Variants in CREBRF observed in about 807,000 individuals in gnomAD.
CREBRF encodes UPF0474 protein C5orf41.
A neutral mutation model predicts 66.1 loss-of-function variants in CREBRF; 5 were observed. The observed-to-expected ratio is 0.08, with a 90% CI of 0.04 to 0.16. The LOEUF is 0.16. Ranked by LOEUF, CREBRF falls within the 10% of genes least tolerant of loss-of-function variation. The pLI is 1.00. For missense variants in CREBRF, 531 were observed against 744.9 expected (o/e 0.71, Z 3.34); for synonymous variants, 229 against 264.4 (o/e 0.87, Z 1.30).
At chr5:173,085,498 C>T in intron 2 of CREBRF, 1 of 560,274 alleles carries the variant, frequency 1.8e-6, no homozygotes, top group Non-Finnish European at 3.2e-6. Flanking sequence ...CTTACTGCAA[C>T]CTTCGCCTCC....
At chr5:173,097,212 C>G (rs949138391) in intron 4 of CREBRF, among the ~76,000 whole-genome samples, 1 of 152,102 alleles carries the variant, frequency 6.6e-6, no homozygotes, top group Non-Finnish European at 1.5e-5. Flanking sequence ...GTAGAATTTA[C>G]TAGTGAAGTC....
intron 4 of CREBRF, among the ~76,000 whole-genome samples, chr5:173,096,529 C>G (rs1440883758): frequency 6.9e-6 from 1 of 145,802 alleles, no homozygotes; most frequent in Non-Finnish European, 1.5e-5. Context: ...CCCCTTCCCC[C>G]TCCCCTCCCC....
intron 1 of CREBRF, among the ~76,000 whole-genome samples, chr5:173,069,593 A>T (rs966414397): frequency 6.6e-6 from 1 of 152,118 alleles, no homozygotes; most frequent in Non-Finnish European, 1.5e-5. Flanking sequence ...AAGTGCAGGG[A>T]TTACAGGCGT....
intron 4 of CREBRF, among the ~76,000 whole-genome samples, chr5:173,104,012 A>T (rs1019095055): frequency 6.6e-6 from 1 of 152,206 alleles, no homozygotes; most frequent in Non-Finnish European, 1.5e-5. Flanking sequence ...CAACATCATG[A>T]ATTTGTTTTA....
rs141359454 is a variant in CREBRF, at chr5:173,105,275, G to A, written c.1223-3349G>A. Among the ~76,000 whole-genome samples, 30 of 151,624 alleles carry A rather than the reference G, an allele frequency of 2.0e-4. No homozygotes were observed. The East Asian group carries it at 5.2e-3, about 27-fold the overall frequency. Reference sequence around the variant, plus strand: ...TGTGTGTACACACACAGCTGAGGAAGCTGTGTATAAAATTTTTTCCCTTAT... The same window carrying A: ...TGTGTGTACACACACAGCTGAGGAAACTGTGTATAAAATTTTTTCCCTTAT... On this transcript the variant is annotated intron_variant, in intron 4 of 8. Transcript: ENST00000296953.
chr5:173,112,270 AAAAG>A, intron 6 of CREBRF, 32 bp from the exon 7 acceptor site: 2 of 1,448,520 alleles, frequency 1.4e-6, no homozygotes, highest in Non-Finnish European at 1.9e-6. Context: ...AAAATTAAGA[AAAAG>A]AAAGTGAACT....
At chr5:173,117,579 CTCCT>C (rs1186370279) in intron 7 of CREBRF, among the ~76,000 whole-genome samples, 1,095 of 39,610 alleles carry the variant, frequency 0.028, 42 homozygotes, top group South Asian at 0.042. Context: ...CCCTCCCTCC[CTCCT>C]TCCTTCCTTC....
Position 173,082,945 on chromosome 5 carries a change from A to AAC in CREBRF, c.9+2162_9+2163dup, listed in dbSNP as rs1758009059. Among the ~76,000 whole-genome samples, 22 of 122,748 alleles carry AAC rather than the reference A, an allele frequency of 1.8e-4. 1 individual carries two copies. Among genetic ancestry groups the AAC allele is most frequent in the Admixed American group, 1.6e-3 (17 of 10,944 alleles). The allele number at this position is 122,748 out of a possible 152,430, so 80.5% of individuals were successfully genotyped here. ...AAAAAAAAAAAAAAAAAAAAAAAAAAACCGGGTGCAGTGGCTTGCACCTGT... is the reference window on the plus strand; with the variant it reads ...AAAAAAAAAAAAAAAAAAAAAAAAAAACACCGGGTGCAGTGGCTTGCACCTGT... On this transcript the variant is annotated intron_variant, in intron 2 of 8. Coordinates refer to ENST00000296953, the MANE Select transcript of CREBRF (RefSeq NM_153607.3).
chr5:173,061,686 C>T (rs901381702), intron 1 of CREBRF, among the ~76,000 whole-genome samples: 6 of 152,146 alleles, frequency 3.9e-5, no homozygotes, highest in African/African-American at 1.4e-4. Context: ...GAAGTTAAGA[C>T]ATTGAGTGCT....
At chr5:173,079,011 CAG>C (rs1757852813) in intron 1 of CREBRF, among the ~76,000 whole-genome samples, 1 of 152,056 alleles carries the variant, frequency 6.6e-6, no homozygotes, top group Non-Finnish European at 1.5e-5. Context: ...TCATAGGAAT[CAG>C]GGGAGAGAAT....
intron 5 of CREBRF, 77 bp from the exon 6 acceptor site, chr5:173,110,445 T>A: frequency 9.6e-7 from 1 of 1,041,070 alleles, no homozygotes; most frequent in Non-Finnish European, 1.5e-6. Context: ...GGGAAGTGGT[T>A]AAAAATGTGG....
chr5:173,091,904 GCGAAA>G (rs2113740648), intron 4 of CREBRF: 1 of 410,132 alleles, frequency 2.4e-6, no homozygotes, highest in East Asian at 1.6e-4. Flanking sequence ...GGCCAACACA[GCGAAA>G]CCCTGTCTCT....
At chr5:173,118,468 C>T (rs747826679) in intron 7 of CREBRF, among the ~76,000 whole-genome samples, 5 of 151,398 alleles carry the variant, frequency 3.3e-5, no homozygotes, top group Non-Finnish European at 5.9e-5. Context: ...TTAGCATTTA[C>T]GTAGTTTTAG....
At chr5:173,108,935 G>T in intron 5 of CREBRF, 117 bp downstream of exon 5, 1 of 831,268 alleles carries the variant, frequency 1.2e-6, no homozygotes, top group Non-Finnish European at 1.9e-6. Flanking sequence ...CTGGAGATGG[G>T]GACTGTAGAG....
At chr5:173,101,495 C>CA (rs2113758240) in intron 4 of CREBRF, among the ~76,000 whole-genome samples, 1 of 150,832 alleles carries the variant, frequency 6.6e-6, no homozygotes, top group African/African-American at 2.4e-5. Context: ...TTGCTGCTTT[C>CA]AAAAGTCTGT....
rs1758126625 is a variant in CREBRF, at chr5:173,085,715, C to T, written c.10-786C>T. 4 of 750,730 alleles carry T rather than the reference C, an allele frequency of 5.3e-6. No individual in the cohort carries two copies. In the Admixed American group the frequency reaches 7.2e-5, roughly 13 times the overall value. 46.5% of individuals were successfully genotyped at this position (750,730 alleles called of 1,614,324 possible). A position where few individuals can be genotyped will look rare whatever the true frequency, so the allele number is the denominator to read the frequency against. On this transcript the variant is annotated intron_variant, in intron 2 of 8. Coordinates refer to ENST00000296953, the MANE Select transcript of CREBRF (RefSeq NM_153607.3). ...TACAGGCGTGAGCCACCGCACCCGG[C>T]CATCAGATACATTCTTTAGGCCTTT...
chr5:173,095,758 G>C (rs1758462657), intron 4 of CREBRF, among the ~76,000 whole-genome samples: 1 of 149,208 alleles, frequency 6.7e-6, no homozygotes, highest in African/African-American at 2.5e-5. Context: ...CACCAATGTT[G>C]TATAGTTTTC....
chr5:173,068,053 C>T (rs1180476461), intron 1 of CREBRF: 2 of 423,768 alleles, frequency 4.7e-6, no homozygotes, highest in African/African-American at 4.2e-5. Flanking sequence ...TGTATATCCT[C>T]CCAGTAGAGT....
intron 7 of CREBRF, among the ~76,000 whole-genome samples, chr5:173,115,196 T>G (rs773086433): frequency 1.9e-4 from 29 of 151,074 alleles, no homozygotes; most frequent in Non-Finnish European, 3.4e-4. Flanking sequence ...AACCTCTGCC[T>G]CCTGGGTTCA....
Sources: gnomAD v4.1 joint callset for allele counts (sites outside exome capture counted in the v4.1 genomes callset) on GRCh38, gnomAD v4.1.1 for gene constraint, MANE v1.5 for transcripts, NCBI Gene and HGNC (gene_info 2026-07-23, HGNC 2026-07-21) for gene names.